Variants in C1orf87 observed in about 807,000 individuals in gnomAD.
C1orf87 encodes the protein chromosome 1 open reading frame 87.
C1orf87 carries 58 observed loss-of-function variants against 60.5 expected under a neutral mutation model. The observed-to-expected ratio is 0.96, with a 90% CI of 0.78 to 1.19. The LOEUF (loss-of-function observed/expected upper bound fraction) is 1.19. Ranked by LOEUF, C1orf87 falls within the 50% of genes most tolerant of loss-of-function variation. The probability of loss-of-function intolerance (pLI) is 0.00; values close to 1 mark genes in which losing one functional copy is unlikely to be tolerated. For synonymous variants in C1orf87, 236 were observed against 227.4 expected, an observed-to-expected ratio of 1.04 and a Z score of -0.34; for missense variants, 673 against 638.6, an observed-to-expected ratio of 1.05 and a Z score of -0.58.
chr1:60,070,632 C>T (rs1645578162), intron 2 of C1orf87, among the ~76,000 whole-genome samples: 1 of 152,194 alleles, frequency 6.6e-6, no homozygotes, highest in South Asian at 2.1e-4. Context: ...AACATGAAGT[C>T]TATAGGAAAC....
At chr1:59,991,023 G>A (rs1240654006) in intron 11 of C1orf87, among the ~76,000 whole-genome samples, 190 bp from the exon 12 acceptor site, 1 of 152,172 alleles carries the variant, frequency 6.6e-6, no homozygotes, top group Non-Finnish European at 1.5e-5. Flanking sequence ...CAGATTTCAG[G>A]AAGAATCTGA....
intron 6 of C1orf87, among the ~76,000 whole-genome samples, 165 bp from the exon 7 acceptor site, chr1:60,033,806 A>G (rs950649142): frequency 6.6e-6 from 1 of 152,190 alleles, no homozygotes; most frequent in Admixed American, 6.5e-5. Context: ...CCGCATGCAG[A>G]CATTTCATAG....
chr1:60,055,238 G>C lies in C1orf87; in HGVS notation c.308C>G (p.Thr103Arg), dbSNP rs1367779326. The C allele has an allele frequency of 2.5e-6, 4 of 1,614,096 alleles. No individual in the cohort carries two copies. The highest frequency in any genetic ancestry group is 1.1e-5 in the South Asian group (1 of 91,070). ...CAGGAATCTGCTACTGTTTGCCCCT[G>C]TTAGTAGTTTCTGGTTGTTTTCTGA... ...QKSENNQKLL[T>R]GANSSRFLDG... Residue 103 changes from threonine to arginine, a missense_variant, in exon 3 of 12, where the codon ACA becomes AGA. Transcript: ENST00000371201.
intron 2 of C1orf87, 61 bp from the exon 3 acceptor site, chr1:60,055,499 G>T: frequency 7.0e-7 from 1 of 1,430,770 alleles, no homozygotes; most frequent in Non-Finnish European, 9.8e-7. Context: ...CACTAGGCTG[G>T]CATAAGAACA....
intron 1 of C1orf87, among the ~76,000 whole-genome samples, chr1:60,072,892 CTCACA>C (rs1275731066): frequency 6.6e-6 from 1 of 152,152 alleles, no homozygotes; most frequent in African/African-American, 2.4e-5. Context: ...ATATGACTTA[CTCACA>C]TCACATCACA....
chr1:60,036,912 A>G (rs780900639), intron 6 of C1orf87, among the ~76,000 whole-genome samples: 1 of 152,176 alleles, frequency 6.6e-6, no homozygotes, highest in African/African-American at 2.4e-5. Context: ...CTGACTGAAC[A>G]TCTTTTTGGA....
rs561442017 is a variant in C1orf87, at chr1:59,992,224, C to T, written c.1481-1391G>A. Among the ~76,000 whole-genome samples the T allele has an allele frequency of 2.2e-4, 31 of 143,644 alleles. No homozygotes were observed. The East Asian group carries it at 3.9e-3, about 18-fold the overall frequency. 94.2% of individuals were successfully genotyped at this position (143,644 alleles called of 152,430 possible). ...AAAAGAGATTGCTTCAAGTAGGGGT[C>T]TATTTATTTATTTATTTATTTATTT... On this transcript the variant is annotated intron_variant, in intron 11 of 11. Coordinates refer to ENST00000371201, the MANE Select transcript of C1orf87 (RefSeq NM_152377.3).
chr1:60,061,628 G>A (rs760795988), intron 2 of C1orf87, among the ~76,000 whole-genome samples: 1 of 151,556 alleles, frequency 6.6e-6, no homozygotes, highest in African/African-American at 2.4e-5. Context: ...ATTGACCTCT[G>A]TGGACTTACT....
chr1:60,068,145 G>C (rs2100336121), intron 2 of C1orf87, among the ~76,000 whole-genome samples: 1 of 152,214 alleles, frequency 6.6e-6, no homozygotes, highest in South Asian at 2.1e-4. Flanking sequence ...GTGGCATCCA[G>C]AATGAAGTGT....
chr1:59,993,925 A>AT (rs1644944812), intron 11 of C1orf87, among the ~76,000 whole-genome samples: 1 of 151,834 alleles, frequency 6.6e-6, no homozygotes, highest in African/African-American at 2.4e-5. Flanking sequence ...CAGCCGGCTC[A>AT]TTTTTGTATT....
chr1:60,033,548 G>C lies in C1orf87; in HGVS notation c.957C>G (p.Leu319=). ...AACTCAGATTGAGATTGTCTATGTT[G>C]AGTCTGCCATTGGTTGTCCTTAGTG... ...KMALRTTNGR[L]NIDNLNLSFR... Residue 319 remains leucine, a synonymous_variant, in exon 7 of 12, where the codon CTC becomes CTG. Coordinates refer to ENST00000371201, the MANE Select transcript of C1orf87 (RefSeq NM_152377.3). The C allele has an allele frequency of 6.2e-7, 1 of 1,613,946 alleles. No individual in the cohort carries two copies. The highest frequency in any genetic ancestry group is 1.1e-5 in the South Asian group (1 of 91,006).
intron 2 of C1orf87, among the ~76,000 whole-genome samples, chr1:60,070,913 C>A (rs1288339704): frequency 6.6e-6 from 1 of 152,102 alleles, no homozygotes; most frequent in Non-Finnish European, 1.5e-5. Context: ...TTGGAAAAAG[C>A]AAGGAGTTTG....
intron 9 of C1orf87, among the ~76,000 whole-genome samples, chr1:60,007,709 T>C (rs1251107372): frequency 1.3e-5 from 2 of 152,054 alleles, no homozygotes; most frequent in African/African-American, 2.4e-5. Flanking sequence ...TGCTGGAAAG[T>C]AGACTCTCCT....
chr1:60,028,887 C>T (rs1320113444), intron 7 of C1orf87, among the ~76,000 whole-genome samples: 4 of 151,408 alleles, frequency 2.6e-5, no homozygotes, highest in Non-Finnish European at 4.4e-5. Context: ...TTTGAATTTC[C>T]TTTCTTGGCT....
chr1:60,040,238 A>T, intron 4 of C1orf87, 58 bp from the exon 5 acceptor site: 1 of 1,551,366 alleles, frequency 6.4e-7, no homozygotes, highest in Non-Finnish European at 8.6e-7. Flanking sequence ...CTAAAGACCA[A>T]AGCAAGGAAG....
chr1:60,049,270 C>T (rs1181655093), intron 3 of C1orf87, among the ~76,000 whole-genome samples: 1 of 151,868 alleles, frequency 6.6e-6, no homozygotes, highest in Non-Finnish European at 1.5e-5. Flanking sequence ...TGGATTTTGC[C>T]AAATTATGTT....
chr1:60,072,747 G>A, intron 1 of C1orf87, 77 bp from the exon 2 acceptor site: 1 of 702,018 alleles, frequency 1.4e-6, no homozygotes. Context: ...ATAACAACAA[G>A]CAATAATAAT....
rs539185288 is a variant in C1orf87 at position 60,040,142 on chromosome 1, G to A, written c.522C>T (p.Asp174=). The A allele has an allele frequency of 1.0e-4, 164 of 1,613,834 alleles. No individual in the cohort carries two copies. The highest frequency in any genetic ancestry group is 1.9e-4 in the African/African-American group (14 of 74,954). Residue 174 remains aspartate, a synonymous_variant, in exon 5 of 12, where the codon GAC becomes GAT. Transcript: ENST00000371201. The part of the protein sequence containing the change: ...GQSPSGTTNE[D]AFLLALVRRE... ...TTCTGACCAGGGCAAGAAGAAAAGC[G>A]TCTTCATTTGTTGTCCCACTTGGGC...
Position 60,004,034 on chromosome 1 carries a change from C to A in C1orf87, c.1193-2878G>T, listed in dbSNP as rs146146891. Among the ~76,000 whole-genome samples the A allele has an allele frequency of 4.8e-3, 733 of 152,166 alleles. 8 individuals carry two copies. Among genetic ancestry groups the A allele is most frequent in the African/African-American group, 0.016 (679 of 41,538 alleles). On this transcript the variant is annotated intron_variant, in intron 9 of 11. Coordinates refer to ENST00000371201, the MANE Select transcript of C1orf87 (RefSeq NM_152377.3). ...ACGAGAACCCATCCTCAACTAGTAG[C>A]ATTGGCTACTGCTTATTTCAACCAA...
Sources: allele counts gnomAD v4.1 joint callset (sites outside exome capture counted in the v4.1 genomes callset), GRCh38; gene constraint gnomAD v4.1.1; transcripts MANE v1.5; gene names NCBI Gene and HGNC (gene_info 2026-07-23, HGNC 2026-07-21).